LAMA5: variants seen among roughly 807,000 people sequenced by gnomAD.
LAMA5 encodes the protein laminin subunit alpha 5.
In LAMA5, 260 loss-of-function variants were observed where a neutral mutation model predicts 433.4. That is an observed-to-expected ratio of 0.60 (90% CI 0.54 to 0.66). The LOEUF (loss-of-function observed/expected upper bound fraction) is 0.66. LAMA5 is among the 30% of genes least tolerant of loss of function. LAMA5 has a pLI of 0.00. For missense variants in LAMA5, 5,378 were observed against 5,258.5 expected (o/e 1.02, Z -0.70); for synonymous variants, 2,620 against 2,226.6 (o/e 1.18, Z -4.97).
chr20:62,353,107 C>A (rs370145013), intron 3 of LAMA5, 27 bp downstream of exon 3: 4 of 1,521,782 alleles, frequency 2.6e-6, no homozygotes, highest in Non-Finnish European at 2.7e-6. Context: ...GCCTCTCCCC[C>A]CAGGCCCCAC....
rs1200951711 is a variant in LAMA5 at position 62,335,217 on chromosome 20, C to T, written c.2376G>A (p.Pro792=). The T allele has an allele frequency of 4.3e-6, 7 of 1,612,608 alleles. No individual in the cohort carries two copies. The highest frequency in any genetic ancestry group is 2.7e-5 in the African/African-American group (2 of 74,802). The change falls in exon 19 of 80, where the codon CCG becomes CCA. Residue 792 remains proline, a splice_region_variant and synonymous_variant. Coordinates refer to ENST00000252999, the MANE Select transcript of LAMA5 (RefSeq NM_005560.6). The stretch of plus-strand genomic sequence containing the variant: ...CCCACACCTTGGTCCTCAGACTCAC[C>T]GGCTGGCACTCAGCAACTCCACCCA... ...GTLGGVAECQ[P]GTGQCFCKPH...
intron 32 of LAMA5, 96 bp from the exon 33 acceptor site, chr20:62,329,349 C>CA: frequency 1.1e-6 from 1 of 913,098 alleles, no homozygotes; most frequent in Non-Finnish European, 1.7e-6. Context: ...GCAGGCAGCT[C>CA]AGAGTCCTGG....
chr20:62,309,757 G>C lies in LAMA5; in HGVS notation c.10907C>G (p.Ala3636Gly), dbSNP rs763145616. 3.1e-6 allele frequency: 5 copies of C among 1,604,240 alleles called. No homozygotes were observed. Among genetic ancestry groups the C allele is most frequent in the Non-Finnish European group, 4.2e-6 (5 of 1,177,460 alleles). Residue 3636 changes from alanine to glycine, a missense_variant, in exon 79 of 80, where the codon GCA becomes GGA. Physicochemically the swap from Ala to Gly is moderately conservative, Grantham distance 60. Coordinates refer to ENST00000252999, the MANE Select transcript of LAMA5 (RefSeq NM_005560.6). The stretch of plus-strand genomic sequence containing the variant: ...GTACAGAGGGGCTGGGGCACCAGCT[G>C]CAGCCGCCAGCAAGGGGCCCACGGT... ...NHTVGPLLAA[A>G]AGAPAPLYLG... is the part of the protein sequence containing the mutation.
chr20:62,341,826 C>CAA (rs11466846), intron 11 of LAMA5, among the ~76,000 whole-genome samples: 187 of 128,082 alleles, frequency 1.5e-3, no homozygotes, highest in African/African-American at 6.7e-3. Flanking sequence ...TCTGATCAAC[C>CAA]AAAAAAAAAA....
chr20:62,357,587 C>G (rs1326759152), intron 2 of LAMA5, among the ~76,000 whole-genome samples: 1 of 152,170 alleles, frequency 6.6e-6, no homozygotes, highest in Non-Finnish European at 1.5e-5. Flanking sequence ...GGTCCGGAAA[C>G]GTGCCCCACA....
In LAMA5 at chr20:62,324,416, C is replaced by T. The variant is rs1978887400; in HGVS notation, c.5643+25G>A. 4.4e-6 allele frequency: 7 copies of T among 1,573,944 alleles called. No homozygotes were observed. The highest frequency in any genetic ancestry group is 6.1e-6 in the Non-Finnish European group (7 of 1,148,282). The stretch of plus-strand genomic sequence containing the variant: ...CTGTGCCTTCAGTGAATGCTGCCCC[C>T]CTGGCCCCACCAGCCCCTACTCACC... On this transcript the variant is annotated intron_variant, in intron 42 of 79. Coordinates refer to ENST00000252999, the MANE Select transcript of LAMA5 (RefSeq NM_005560.6). This position sits in a 1 kb window ranked among gnomAD's most constrained non-coding sequence, Gnocchi z 4.4.
chr20:62,367,191 G>A lies in LAMA5; in HGVS notation c.55C>T (p.Pro19Ser). 1 of 1,222,272 alleles carries A rather than the reference G, an allele frequency of 8.2e-7. No homozygotes were observed. Among genetic ancestry groups the A allele is most frequent in the Non-Finnish European group, 1.0e-6 (1 of 983,776 alleles). 75.7% of individuals were successfully genotyped at this position (1,222,272 alleles called of 1,614,324 possible). A position where few individuals can be genotyped will look rare whatever the true frequency, so the allele number is the denominator to read the frequency against. The change falls in exon 1 of 80, where the codon CCC becomes TCC. Residue 19 changes from proline to serine, a missense_variant. Transcript: ENST00000252999. ...AGCCCGACCAGCAGCAGCGGCGCGG[G>A]GCCCCGGGGGCCGCGAACACACAGT... ...SALCVRGPRG[P>S]APLLLVGLAL...
At chr20:62,343,836 A>G (rs570804879) in intron 11 of LAMA5, among the ~76,000 whole-genome samples, 2 of 150,930 alleles carry the variant, frequency 1.3e-5, no homozygotes, top group Non-Finnish European at 2.9e-5. Context: ...GAGTAGTCAA[A>G]GTGCAGCTAA....
chr20:62,309,650 T>TGGGGGGG (rs1568885175), intron 79 of LAMA5, 66 bp downstream of exon 79: 9 of 297,712 alleles, frequency 3.0e-5, no homozygotes, highest in African/African-American at 3.0e-4. Flanking sequence ...GGGGGGAGGG[T>TGGGGGGG]GGTAGGTTAC....
At position 62,311,316 on chromosome 20, in the gene LAMA5, G is replaced by C; in HGVS notation, c.9943-9C>G. ...CGGCTGCGGCGGGAGGCCTGGGGGC[G>C]TGGATGGTGAATGCAGGGGCCGCCC... is the stretch of plus-strand genomic sequence containing the variant. On this transcript the variant is annotated splice_polypyrimidine_tract_variant and intron_variant, in intron 72 of 79. Transcript: ENST00000252999. 1.3e-6 allele frequency: 2 copies of C among 1,556,402 alleles called. No homozygotes were observed. Among genetic ancestry groups the C allele is most frequent in the South Asian group, 2.4e-5 (2 of 83,192 alleles).
At chr20:62,326,791 G>A (rs1420264116) in intron 39 of LAMA5, 31 bp from the exon 40 acceptor site, 2 of 1,609,464 alleles carry the variant, frequency 1.2e-6, no homozygotes, top group East Asian at 2.2e-5. Flanking sequence ...GTGAGGGTTG[G>A]CACGGGCCTG....
chr20:62,325,543 TC>T lies in LAMA5; in HGVS notation c.5301del (p.Asn1768ThrfsTer17). Reference protein sequence around the residue: ...VHRGQLQLVEGNFRHTETRNT... With the variant: ...VHRGQLQLVEXNFRHTETRNT... Reference sequence around the variant, plus strand: ...TTGCGCGTCTCCGTATGCCGGAAGTTCCCCTGTGGGTCCAGGATGGCACCTC... The same window carrying T: ...TTGCGCGTCTCCGTATGCCGGAAGTTCCCTGTGGGTCCAGGATGGCACCTC... On this transcript the variant is annotated frameshift_variant and splice_region_variant, in exon 41 of 80. Transcript: ENST00000252999. LOFTEE classifies it high-confidence loss of function. 1 of 1,603,626 alleles carries T rather than the reference TC, an allele frequency of 6.2e-7. No individual in the cohort carries two copies.
At chr20:62,361,777 C>T (rs961876865) in intron 2 of LAMA5, among the ~76,000 whole-genome samples, 3 of 152,222 alleles carry the variant, frequency 2.0e-5, no homozygotes, top group Non-Finnish European at 4.4e-5. Context: ...AAGTCGCCCC[C>T]AATCTGGGGG....
intron 62 of LAMA5, 80 bp from the exon 63 acceptor site, chr20:62,313,882 C>A: frequency 9.7e-7 from 1 of 1,026,814 alleles, no homozygotes; most frequent in Non-Finnish European, 1.4e-6. Flanking sequence ...TGAGGGGTGG[C>A]GAGTGGGCAC....
Position 62,366,938 on chromosome 20 carries a change from C to T in LAMA5, c.297+11G>A, listed in dbSNP as rs1403179686. On this transcript the variant is annotated intron_variant, in intron 1 of 79. Coordinates refer to ENST00000252999, the MANE Select transcript of LAMA5 (RefSeq NM_005560.6). ...CCGGGAGGAAGCCCCACGGCCCGCC[C>T]CTGCGCTCACCCGGATGGTCTGGTT... 1 of 1,261,530 alleles carries T rather than the reference C, an allele frequency of 7.9e-7. No homozygotes were observed. The highest frequency in any genetic ancestry group is 1.5e-5 in the African/African-American group (1 of 65,688). 78.1% of individuals were successfully genotyped at this position (1,261,530 alleles called of 1,614,324 possible).
At chr20:62,345,702 T>C (rs1983251322) in intron 11 of LAMA5, 116 bp downstream of exon 11, 6 of 753,074 alleles carry the variant, frequency 8.0e-6, no homozygotes, top group African/African-American at 5.2e-5. Flanking sequence ...TAAAAAGAAA[T>C]AAGCCAAAAA....
chr20:62,354,768 T>C (rs1307549285), intron 2 of LAMA5, among the ~76,000 whole-genome samples: 3 of 151,984 alleles, frequency 2.0e-5, no homozygotes, highest in African/African-American at 7.2e-5. Flanking sequence ...AGGCTCCCCC[T>C]ACCTGGGGGC....
chr20:62,366,605 C>A (rs1354511580), intron 1 of LAMA5, among the ~76,000 whole-genome samples: 2 of 152,210 alleles, frequency 1.3e-5, no homozygotes, highest in Non-Finnish European at 2.9e-5. Flanking sequence ...CGGCAGCAGG[C>A]GGCGGAGGCC....
At position 62,327,696 on chromosome 20, in the gene LAMA5, G is replaced by A. The variant is rs769440128; in HGVS notation, c.4798-27C>T. The A allele has an allele frequency of 3.1e-6, 5 of 1,605,218 alleles. No individual in the cohort carries two copies. The African/African-American group carries it at 5.3e-5, about 17-fold the overall frequency. On this transcript the variant is annotated intron_variant, in intron 36 of 79. Transcript: ENST00000252999. Reference sequence around the variant, plus strand: ...TAGGGATGAGAGGACAGTGAGAGTGGTCGGCAGGTGCCAGGTGCCTGACCC... The same window carrying A: ...TAGGGATGAGAGGACAGTGAGAGTGATCGGCAGGTGCCAGGTGCCTGACCC...
Sources: allele counts gnomAD v4.1 joint callset (sites outside exome capture counted in the v4.1 genomes callset), GRCh38; gene constraint gnomAD v4.1.1; non-coding constraint Gnocchi (gnomAD v3.1); transcripts MANE v1.5; gene names NCBI Gene and HGNC (gene_info 2026-07-23, HGNC 2026-07-21).